ZCCHC24: variants seen among roughly 807,000 people sequenced by gnomAD.
ZCCHC24 encodes the protein zinc finger CCHC domain-containing protein 24.
ZCCHC24 carries 10 observed loss-of-function variants against 26.2 expected under a neutral mutation model. The observed-to-expected ratio is 0.38, with a 90% CI of 0.24 to 0.65. ZCCHC24 has a LOEUF of 0.65. Ranked by LOEUF, ZCCHC24 falls within the 30% of genes least tolerant of loss-of-function variation. The pLI, the probability that ZCCHC24 is intolerant of heterozygous loss-of-function variation, is 0.54. For missense variants in ZCCHC24, 243 were observed against 329.1 expected (o/e 0.74, Z 2.03); for synonymous variants, 144 against 147.1 (o/e 0.98, Z 0.15).
chr10:79,434,840 G>A (rs1443318623), intron 1 of ZCCHC24, among the ~76,000 whole-genome samples: 1 of 152,180 alleles, frequency 6.6e-6, no homozygotes, highest in Non-Finnish European at 1.5e-5. Context: ...TCCAGCTCCA[G>A]AACTTTTTCA....
At chr10:79,400,588 G>C (rs1175886263) in intron 2 of ZCCHC24, among the ~76,000 whole-genome samples, 1 of 152,224 alleles carries the variant, frequency 6.6e-6, no homozygotes, top group African/African-American at 2.4e-5. Context: ...TGCCTTTAAT[G>C]AGTGGGTATG....
intron 3 of ZCCHC24, among the ~76,000 whole-genome samples, chr10:79,390,749 T>C (rs114709863): frequency 0.01 from 1,540 of 152,332 alleles, 25 homozygotes; most frequent in African/African-American, 0.035. Context: ...TGGTGTTTTC[T>C]TCTTGAGGGG....
At chr10:79,444,004 G>A (rs1210346069) in intron 1 of ZCCHC24, 7 of 1,391,196 alleles carry the variant, frequency 5.0e-6, no homozygotes, top group Non-Finnish European at 6.6e-6. Flanking sequence ...TGAACTCAAG[G>A]GCGACCCTCT....
chr10:79,400,937 G>A (rs942679605), intron 2 of ZCCHC24, among the ~76,000 whole-genome samples: 2 of 152,250 alleles, frequency 1.3e-5, no homozygotes, highest in African/African-American at 4.8e-5. Flanking sequence ...CTCCCCTCCA[G>A]GTGCTTGAAG....
chr10:79,424,762 C>T (rs1857002876), intron 2 of ZCCHC24, among the ~76,000 whole-genome samples: 2 of 152,206 alleles, frequency 1.3e-5, no homozygotes, highest in South Asian at 4.1e-4. Context: ...CCCCACTCCT[C>T]CCCCAGGAGC....
chr10:79,416,624 A>G (rs781773324), intron 2 of ZCCHC24, among the ~76,000 whole-genome samples: 1 of 152,210 alleles, frequency 6.6e-6, no homozygotes, highest in Non-Finnish European at 1.5e-5. Flanking sequence ...TGCTCAGTCA[A>G]CATTAGCTCC....
chr10:79,423,974 C>T (rs1017606003), intron 2 of ZCCHC24, among the ~76,000 whole-genome samples: 8 of 148,716 alleles, frequency 5.4e-5, no homozygotes, highest in South Asian at 2.1e-4. Context: ...GCTGAGATCG[C>T]GCCACTGCAC....
At chr10:79,443,124 AGTC>A (rs1335846764) in intron 1 of ZCCHC24, among the ~76,000 whole-genome samples, 1 of 152,190 alleles carries the variant, frequency 6.6e-6, no homozygotes, top group Admixed American at 6.5e-5. Context: ...GGTTCCCTGA[AGTC>A]AGGTTGTGAA....
chr10:79,436,884 C>T (rs1857223883), intron 1 of ZCCHC24, among the ~76,000 whole-genome samples: 1 of 152,206 alleles, frequency 6.6e-6, no homozygotes, highest in African/African-American at 2.4e-5. Context: ...GAGGCCACCT[C>T]TCTTTCCTCC....
At chr10:79,436,204 G>A (rs1857216130) in intron 1 of ZCCHC24, among the ~76,000 whole-genome samples, 2 of 152,104 alleles carry the variant, frequency 1.3e-5, no homozygotes, top group Admixed American at 6.6e-5. Context: ...CATGCCCACC[G>A]CGCAGCTCTG....
intron 3 of ZCCHC24, among the ~76,000 whole-genome samples, chr10:79,387,703 C>A (rs1414390814): frequency 2.0e-5 from 3 of 152,194 alleles, no homozygotes; most frequent in Non-Finnish European, 4.4e-5. Context: ...GCTCTGTCCC[C>A]CTGGCCAGGC....
intron 2 of ZCCHC24, among the ~76,000 whole-genome samples, chr10:79,395,412 T>C (rs1265777766): frequency 6.6e-6 from 1 of 152,250 alleles, no homozygotes; most frequent in Non-Finnish European, 1.5e-5. Flanking sequence ...TAACTTCATA[T>C]ATGTATCATT....
In ZCCHC24 at chr10:79,419,798, C is replaced by T. The variant is rs144029471; in HGVS notation, c.447+12760G>A. Among the ~76,000 whole-genome samples, 657 of 152,244 alleles carry T rather than the reference C, an allele frequency of 4.3e-3. 3 individuals are homozygous for T. The highest frequency in any genetic ancestry group is 0.014 in the Middle Eastern group (4 of 294). ...CATTCACTAGGCCTTGCAGGTAGTT[C>T]AAGACCAGGACTGGTCCTGGCTCCT... On this transcript the variant is annotated intron_variant, in intron 2 of 3. Coordinates refer to ENST00000372336, the MANE Select transcript of ZCCHC24 (RefSeq NM_153367.4).
chr10:79,423,339 T>A (rs919361856), intron 2 of ZCCHC24, among the ~76,000 whole-genome samples: 1 of 151,754 alleles, frequency 6.6e-6, no homozygotes, highest in African/African-American at 2.4e-5. Context: ...TCTCTTGAGG[T>A]CAGGAGTTTG....
intron 1 of ZCCHC24, among the ~76,000 whole-genome samples, chr10:79,433,253 C>T (rs1026272046): frequency 1.3e-5 from 2 of 152,210 alleles, no homozygotes; most frequent in Non-Finnish European, 2.9e-5. Flanking sequence ...AAGGGAATGT[C>T]AGCTTGCGGC....
intron 2 of ZCCHC24, among the ~76,000 whole-genome samples, chr10:79,411,547 G>A (rs1045453000): frequency 6.6e-6 from 1 of 152,204 alleles, no homozygotes; most frequent in Non-Finnish European, 1.5e-5. Context: ...ATTCTAGAGG[G>A]AAAGGTGGCC....
intron 2 of ZCCHC24, among the ~76,000 whole-genome samples, chr10:79,410,204 C>T (rs1010379945): frequency 6.6e-6 from 1 of 152,252 alleles, no homozygotes; most frequent in Non-Finnish European, 1.5e-5. Context: ...CTCAGAGACA[C>T]CATCCCTGAC....
intron 2 of ZCCHC24, among the ~76,000 whole-genome samples, chr10:79,424,212 C>T (rs1271022639): frequency 6.6e-6 from 1 of 152,222 alleles, no homozygotes; most frequent in Non-Finnish European, 1.5e-5. Context: ...TACTTACTGC[C>T]TGACTTCACC....
At chr10:79,397,963 G>A (rs1203679155) in intron 2 of ZCCHC24, among the ~76,000 whole-genome samples, 6 of 152,220 alleles carry the variant, frequency 3.9e-5, no homozygotes, top group African/African-American at 1.2e-4. Flanking sequence ...AGTGAGAACC[G>A]AAGGGAACAG....
Sources: gnomAD v4.1 joint callset for allele counts (sites outside exome capture counted in the v4.1 genomes callset) on GRCh38, gnomAD v4.1.1 for gene constraint, MANE v1.5 for transcripts, NCBI Gene and HGNC (gene_info 2026-07-23, HGNC 2026-07-21) for gene names.